TPM4: variants seen among roughly 807,000 people sequenced by gnomAD.
The protein encoded by TPM4 is tropomyosin 4, also known as tropomyosin alpha-4 chain.
Under a neutral mutation model 35.8 loss-of-function variants are expected in TPM4, and 17 were observed. The ratio of observed to expected loss-of-function variants is 0.47; its 90% CI spans 0.32 to 0.71. The LOEUF is 0.71. TPM4 is among the 30% of genes least tolerant of loss of function. The pLI, the probability that TPM4 is intolerant of heterozygous loss-of-function variation, is 0.03. For synonymous variants in TPM4, 120 were observed against 122.9 expected (o/e 0.98, Z 0.15); for missense variants, 240 against 320.9 (o/e 0.75, Z 1.93).
intron 7 of TPM4, chr19:16,095,328 C>T (rs986227917): frequency 8.7e-6 from 9 of 1,039,094 alleles, no homozygotes; most frequent in South Asian, 8.7e-5. Context: ...ACGCTCTCAA[C>T]GACATGACCT....
At position 16,096,936 on chromosome 19, in the gene TPM4, CTTTTTTTTTTTT is replaced by C. The variant is rs71178641; in HGVS notation, c.664+3206_664+3217del. Among the ~76,000 whole-genome samples, 83 of 69,050 alleles carry C rather than the reference CTTTTTTTTTTTT, an allele frequency of 1.2e-3. 1 individual carries two copies. The highest frequency in any genetic ancestry group is 1.2e-3 in the Non-Finnish European group (46 of 37,710). 45.3% of individuals were successfully genotyped at this position (69,050 alleles called of 152,430 possible). A position where few individuals can be genotyped will look rare whatever the true frequency, so the allele number is the denominator to read the frequency against. ...GGAATATGGAGAAAACAAGGTCACT[CTTTTTTTTTTTT>C]TTTTTTTTTTTTTTTTTTTTTTCAA... On this transcript the variant is annotated intron_variant, in intron 7 of 7. Transcript: ENST00000643579.
rs1014113767 is a variant in TPM4 at position 16,093,739 on chromosome 19, T to C, written c.650T>C (p.Ile217Thr). Residue 217 changes from isoleucine (I) to threonine (T), a missense_variant, in exon 7 of 8, where the codon ATT becomes ACT. By Grantham distance (89) the Ile-to-Thr change is moderately conservative. Transcript: ENST00000643579. Reference sequence around the variant, plus strand: ...ACGGTTGCAAAACTGGAAAAGACAATTGATGACCTGGAAGGTATGAGGTTA... The same window carrying C: ...ACGGTTGCAAAACTGGAAAAGACAACTGATGACCTGGAAGGTATGAGGTTA... ...ERTVAKLEKT[I>T]DDLEEKLAQA... 9 of 1,613,526 alleles carry C rather than the reference T, an allele frequency of 5.6e-6. No individual in the cohort carries two copies. The highest frequency in any genetic ancestry group is 5.3e-5 in the African/African-American group (4 of 74,878).
intron 4 of TPM4, chr19:16,088,513 G>A (rs1415843986): frequency 2.8e-5 from 30 of 1,052,662 alleles, no homozygotes; most frequent in Non-Finnish European, 3.3e-5. Context: ...CTGGCGGGAA[G>A]GTGAGAAGCT....
At chr19:16,093,049 C>CGCCGTA in intron 5 of TPM4, 1 of 166,184 alleles carries the variant, frequency 6.0e-6, no homozygotes, top group Non-Finnish European at 1.3e-5. Context: ...GAGACGGGGT[C>CGCCGTA]TCACTATGTG....
At chr19:16,090,119 C>T (rs2090607627) in intron 5 of TPM4, among the ~76,000 whole-genome samples, 1 of 151,944 alleles carries the variant, frequency 6.6e-6, no homozygotes, top group African/African-American at 2.4e-5. Flanking sequence ...GCATGACCCA[C>T]TGCACCTGGC....
chr19:16,088,724 C>G (rs1005240231), intron 4 of TPM4: 2 of 1,114,828 alleles, frequency 1.8e-6, no homozygotes, highest in Non-Finnish European at 2.2e-6. Context: ...CCCATTCTTA[C>G]ACCTTCCGGA....
intron 1 of TPM4, 123 bp downstream of exon 1, chr19:16,076,820 A>ACGCCGAT: frequency 4.8e-6 from 6 of 1,260,512 alleles, no homozygotes; most frequent in Non-Finnish European, 5.0e-6. Context: ...ACGCCCTCGG[A>ACGCCGAT]CGCCGATCGC....
At chr19:16,097,526 G>A (rs539264922) in intron 7 of TPM4, among the ~76,000 whole-genome samples, 7 of 151,586 alleles carry the variant, frequency 4.6e-5, no homozygotes, top group East Asian at 3.9e-4. Flanking sequence ...CACCCGCCTC[G>A]GCCTCCCAAA....
chr19:16,068,842 C>CA (rs1331177378), intron 2 of TPM4, among the ~76,000 whole-genome samples: 2 of 152,106 alleles, frequency 1.3e-5, no homozygotes, highest in African/African-American at 4.8e-5. Context: ...TCTATCTGTA[C>CA]ATGCACATAT....
At chr19:16,076,090 C>A, upstream of TPM4, 1 of 1,600,020 alleles carries the variant, frequency 6.2e-7, no homozygotes, top group Non-Finnish European at 8.5e-7. Flanking sequence ...CTAAAAGGGA[C>A]AGAGGACGAG....
At chr19:16,092,692 C>T (rs1407910722) in intron 5 of TPM4, among the ~76,000 whole-genome samples, 1 of 152,122 alleles carries the variant, frequency 6.6e-6, no homozygotes, top group East Asian at 1.9e-4. Context: ...CCCACCACCA[C>T]ACCTGGCTAA....
chr19:16,102,831 CCCACCCCACCCCA>C lies in TPM4; in HGVS notation c.*1492_*1504del, dbSNP rs1288630540. ...GCTTCTGGCTTATCTGAATCCCTTA[CCCACCCCACCCCA>C]CCACCCTACTCCTATTTATTCAGCA... On this transcript the variant is annotated 3_prime_UTR_variant, in exon 8 of 8. Transcript: ENST00000643579. 8.7e-6 allele frequency: 2 copies of C among 229,938 alleles called. No homozygotes were observed. Among genetic ancestry groups the C allele is most frequent in the Non-Finnish European group, 1.7e-5 (2 of 116,164 alleles). The allele number at this position is 229,938 out of a possible 1,614,324, so 14.2% of individuals were successfully genotyped here. A position where few individuals can be genotyped will look rare whatever the true frequency, so the allele number is the denominator to read the frequency against.
chr19:16,094,778 G>T (rs570095050), intron 7 of TPM4, among the ~76,000 whole-genome samples: 36 of 152,064 alleles, frequency 2.4e-4, no homozygotes, highest in Non-Finnish European at 4.7e-4. Context: ...TTAACATTCG[G>T]CCTCAGAAAT....
At chr19:16,088,941 G>C in intron 4 of TPM4, 104 bp from the exon 5 acceptor site, 1 of 1,569,214 alleles carries the variant, frequency 6.4e-7, no homozygotes. Context: ...CCCACCGGGG[G>C]AGCTGTGTAG....
intron 7 of TPM4, among the ~76,000 whole-genome samples, chr19:16,099,307 C>G (rs908533497): frequency 6.7e-6 from 1 of 149,630 alleles, no homozygotes; most frequent in Non-Finnish European, 1.5e-5. Context: ...GTCTCGAACT[C>G]CTTACATCAA....
chr19:16,083,342 G>T (rs1046020585), intron 2 of TPM4, among the ~76,000 whole-genome samples: 5 of 152,064 alleles, frequency 3.3e-5, no homozygotes, highest in African/African-American at 1.2e-4. Context: ...TACTCAGGAG[G>T]CTAAGGCAAG....
intron 3 of TPM4, among the ~76,000 whole-genome samples, chr19:16,087,466 A>G (rs1599375567): frequency 6.6e-6 from 1 of 152,150 alleles, no homozygotes; most frequent in South Asian, 2.1e-4. Flanking sequence ...AAGCCCAGCT[A>G]TTTGGAAGGC....
At chr19:16,085,278 A>G (rs1479881794) in intron 2 of TPM4, among the ~76,000 whole-genome samples, 1 of 151,056 alleles carries the variant, frequency 6.6e-6, no homozygotes, top group Non-Finnish European at 1.5e-5. Flanking sequence ...TAAATACACA[A>G]CGTCTTGCTC....
chr19:16,079,648 C>T (rs1306922405), intron 1 of TPM4: 2 of 214,136 alleles, frequency 9.3e-6, no homozygotes, highest in African/African-American at 2.3e-5. Context: ...TAGCCTCATT[C>T]TATTTTTTTT....
Sources: gnomAD v4.1 joint callset for allele counts (sites outside exome capture counted in the v4.1 genomes callset) on GRCh38, gnomAD v4.1.1 for gene constraint, MANE v1.5 for transcripts, NCBI Gene and HGNC (gene_info 2026-07-23, HGNC 2026-07-21) for gene names.